Variants in USP48 observed in about 807,000 individuals in gnomAD.
The protein encoded by USP48 is ubiquitin carboxyl-terminal hydrolase 48.
Under a neutral mutation model 150.7 loss-of-function variants are expected in USP48, and 43 were observed. The ratio of observed to expected loss-of-function variants is 0.29; its 90% confidence interval spans 0.22 to 0.37. The LOEUF (loss-of-function observed/expected upper bound fraction) is 0.37. Ranked by LOEUF, USP48 falls within the 10% of genes least tolerant of loss-of-function variation. The pLI is 1.00. For missense variants in USP48, 813 were observed against 1,249.6 expected (o/e 0.65, Z 5.27); for synonymous variants, 396 against 425.9 (o/e 0.93, Z 0.86).
intron 8 of USP48, among the ~76,000 whole-genome samples, chr1:21,740,551 T>C (rs1353016159): frequency 6.6e-6 from 1 of 152,192 alleles, no homozygotes; most frequent in Non-Finnish European, 1.5e-5. Flanking sequence ...ACACTACCTA[T>C]GAAGTCAGAA....
chr1:21,704,992 T>A (rs1284068995), intron 19 of USP48, among the ~76,000 whole-genome samples: 1 of 149,218 alleles, frequency 6.7e-6, no homozygotes, highest in African/African-American at 2.5e-5. Context: ...ACAGCGAGAG[T>A]GAGAGAGCAA....
At chr1:21,691,600 A>G (rs1188762555) in intron 23 of USP48, among the ~76,000 whole-genome samples, 1 of 152,182 alleles carries the variant, frequency 6.6e-6, no homozygotes, top group Admixed American at 6.5e-5. Flanking sequence ...GCGCCACTGC[A>G]CTCCAGTCTG....
chr1:21,685,968 T>C (rs187943907), intron 25 of USP48: 8 of 152,264 alleles, frequency 5.3e-5, no homozygotes, highest in African/African-American at 1.4e-4. Context: ...AATACAAAAA[T>C]TAGCTGGGTG....
intron 25 of USP48, chr1:21,686,395 G>T (rs935523916): frequency 1.3e-5 from 2 of 152,154 alleles, no homozygotes; most frequent in Middle Eastern, 3.2e-3. Flanking sequence ...TACCACGAAG[G>T]GATGTTGAAT....
intron 22 of USP48, among the ~76,000 whole-genome samples, chr1:21,695,937 G>C (rs1356424570): frequency 6.6e-6 from 1 of 152,002 alleles, no homozygotes; most frequent in Non-Finnish European, 1.5e-5. Flanking sequence ...TGTCCTAATG[G>C]CAAAATATAC....
At chr1:21,689,668 G>T (rs1244040578) in intron 24 of USP48, among the ~76,000 whole-genome samples, 1 of 152,126 alleles carries the variant, frequency 6.6e-6, no homozygotes, top group Non-Finnish European at 1.5e-5. Flanking sequence ...ACTGATCTAG[G>T]TGATCCAGGA....
intron 15 of USP48, 29 bp downstream of exon 15, chr1:21,715,360 A>G (rs1430380366): frequency 2.6e-6 from 4 of 1,542,584 alleles, no homozygotes; most frequent in Non-Finnish European, 3.6e-6. Context: ...AGGACAATAA[A>G]ACAGAATTCA....
At chr1:21,691,237 C>G (rs1389065315) in intron 23 of USP48, among the ~76,000 whole-genome samples, 1 of 151,180 alleles carries the variant, frequency 6.6e-6, no homozygotes, top group East Asian at 1.9e-4. Flanking sequence ...TTGCTTGAAC[C>G]CAGGAGATGG....
chr1:21,728,409 C>G (rs1382498700), intron 11 of USP48, 161 bp downstream of exon 11: 4 of 1,406,730 alleles, frequency 2.8e-6, no homozygotes, highest in Non-Finnish European at 3.7e-6. Flanking sequence ...TGCTACACAT[C>G]AAGTTATTGT....
intron 22 of USP48, 143 bp downstream of exon 22, chr1:21,701,355 G>A (rs2152514550): frequency 3.7e-6 from 2 of 535,648 alleles, no homozygotes; most frequent in East Asian, 3.4e-5. Flanking sequence ...AACAGTGCGA[G>A]ACTCCATCTC....
chr1:21,759,950 A>G (rs1182866536), intron 1 of USP48, among the ~76,000 whole-genome samples: 1 of 152,200 alleles, frequency 6.6e-6, no homozygotes. Flanking sequence ...TACAAAGGGA[A>G]AGATAATAAC....
intron 7 of USP48, among the ~76,000 whole-genome samples, chr1:21,747,900 T>TA (rs886617831): frequency 2.4e-4 from 36 of 152,144 alleles, no homozygotes; most frequent in African/African-American, 7.7e-4. Context: ...TTTCTTAGAA[T>TA]AAAAAAAGTA....
chr1:21,729,404 T>C (rs2097750458), intron 10 of USP48, among the ~76,000 whole-genome samples: 1 of 152,196 alleles, frequency 6.6e-6, no homozygotes. Flanking sequence ...TTATGAAGTC[T>C]AGAATATCTA....
chr1:21,696,904 G>A (rs1201832409), intron 22 of USP48, among the ~76,000 whole-genome samples: 3 of 15,954 alleles, frequency 1.9e-4, no homozygotes, highest in Non-Finnish European at 4.7e-4. Flanking sequence ...GGCGGTGGGG[G>A]ATGGGGGGTG....
intron 7 of USP48, among the ~76,000 whole-genome samples, 197 bp downstream of exon 7, chr1:21,747,941 T>C (rs1015837811): frequency 2.6e-5 from 4 of 152,230 alleles, no homozygotes; most frequent in Admixed American, 6.5e-5. Context: ...TTATCATTTA[T>C]ATATGGTTGG....
intron 1 of USP48, among the ~76,000 whole-genome samples, chr1:21,765,897 T>A (rs2097860750): frequency 1.1e-5 from 1 of 92,936 alleles, no homozygotes; most frequent in Non-Finnish European, 1.9e-5. Context: ...TGAGACTCCA[T>A]CTCCAAAAAA....
chr1:21,740,196 C>A (rs1307470646), intron 8 of USP48, among the ~76,000 whole-genome samples: 1 of 152,236 alleles, frequency 6.6e-6, no homozygotes, highest in African/African-American at 2.4e-5. Context: ...CAGGCATGAG[C>A]CACTGCGCCC....
intron 26 of USP48, 73 bp downstream of exon 26, chr1:21,680,735 T>C: frequency 2.2e-6 from 3 of 1,390,468 alleles, no homozygotes; most frequent in Non-Finnish European, 3.0e-6. Flanking sequence ...AATCAAATTA[T>C]AGCCTTCGCT....
At chr1:21,696,966 A>C (rs553212250) in intron 22 of USP48, among the ~76,000 whole-genome samples, 5 of 152,256 alleles carry the variant, frequency 3.3e-5, no homozygotes, top group Non-Finnish European at 5.9e-5. Flanking sequence ...GGAATAAAAG[A>C]AGCAGGATTT....
Sources: allele counts gnomAD v4.1 joint callset (sites outside exome capture counted in the v4.1 genomes callset), GRCh38; gene constraint gnomAD v4.1.1; transcripts MANE v1.5; gene names NCBI Gene and HGNC (gene_info 2026-07-23, HGNC 2026-07-21).